SLC24A3: variants seen among roughly 807,000 people sequenced by gnomAD.
The protein encoded by SLC24A3 is sodium/potassium/calcium exchanger 3.
SLC24A3 carries 28 observed loss-of-function variants against 75.8 expected under a neutral mutation model. The observed-to-expected ratio is 0.37, with a 90% CI of 0.27 to 0.51. The LOEUF (loss-of-function observed/expected upper bound fraction) is 0.51, where lower values mean the gene tolerates loss of function less well. SLC24A3 is among the 20% of genes least tolerant of loss of function. The pLI is 0.94. For synonymous variants in SLC24A3, 372 were observed against 334.1 expected, an observed-to-expected ratio of 1.11 and a Z score of -1.24; for missense variants, 663 against 847.8, an observed-to-expected ratio of 0.78 and a Z score of 2.71.
chr20:19,446,320 G>A (rs1410526365), intron 2 of SLC24A3, among the ~76,000 whole-genome samples: 4 of 152,196 alleles, frequency 2.6e-5, no homozygotes, highest in Non-Finnish European at 4.4e-5. Context: ...TAAAAACCAT[G>A]TAAAAGTCTG....
intron 2 of SLC24A3, among the ~76,000 whole-genome samples, chr20:19,479,142 CAG>C (rs1235020371): frequency 6.6e-6 from 1 of 152,206 alleles, no homozygotes; most frequent in African/African-American, 2.4e-5. Flanking sequence ...TCAGTGCATT[CAG>C]AGAGTCATAG....
chr20:19,336,188 G>T (rs1985128779), intron 2 of SLC24A3, among the ~76,000 whole-genome samples: 1 of 152,082 alleles, frequency 6.6e-6, no homozygotes, highest in South Asian at 2.1e-4. Flanking sequence ...TGTCCTTTAG[G>T]CCAGGGCTCG....
chr20:19,299,184 G>GTGTGTGTGTGTGTA (rs1984136106), intron 2 of SLC24A3, among the ~76,000 whole-genome samples: 1 of 136,646 alleles, frequency 7.3e-6, no homozygotes, highest in South Asian at 2.4e-4. Context: ...CTTCGTGTGT[G>GTGTGTGTGTGTGTA]TGTGTGTGTG....
rs147661886 is a variant in SLC24A3, at chr20:19,374,410, G to A, written c.271+93323G>A. On this transcript the variant is annotated intron_variant, in intron 2 of 16. Coordinates refer to ENST00000328041, the MANE Select transcript of SLC24A3 (RefSeq NM_020689.4). ...CCCCTGAAAATTAGGCAGCCTGCCC[G>A]CTAAGTGCTCAGATGAGCAGAATAC... is the stretch of plus-strand genomic sequence containing the variant. 3.4e-3 allele frequency among the ~76,000 whole-genome samples: 514 copies of A among 152,294 alleles called. 2 individuals carry two copies. The highest frequency in any genetic ancestry group is 6.7e-3 in the Admixed American group (102 of 15,294).
chr20:19,276,645 G>A (rs887246195), intron 1 of SLC24A3, among the ~76,000 whole-genome samples: 5 of 152,222 alleles, frequency 3.3e-5, no homozygotes, highest in East Asian at 1.9e-4. Context: ...TGGCTCGTGC[G>A]TATAATCCCA....
At chr20:19,671,001 G>A (rs529526467) in intron 8 of SLC24A3, among the ~76,000 whole-genome samples, 155 of 152,348 alleles carry the variant, frequency 1.0e-3, no homozygotes, top group African/African-American at 3.5e-3. Flanking sequence ...CTAGAAACAG[G>A]TGTTAGTTAC....
At position 19,365,073 on chromosome 20, in the gene SLC24A3, G is replaced by C. The variant is rs117955258; in HGVS notation, c.271+83986G>C. On this transcript the variant is annotated intron_variant, in intron 2 of 16. Transcript: ENST00000328041. ...ACCCTCCCCATGGCTACTCCATAGAGCCATGCAGCTGTGCCAGGATGCTCT... is the reference window on the plus strand; with the variant it reads ...ACCCTCCCCATGGCTACTCCATAGACCCATGCAGCTGTGCCAGGATGCTCT... Among the ~76,000 whole-genome samples, 3 of 152,216 alleles carry C rather than the reference G, an allele frequency of 2.0e-5. No individual in the cohort carries two copies. In the South Asian group the frequency reaches 6.2e-4, roughly 32 times the overall value.
At position 19,479,166 on chromosome 20, in the gene SLC24A3, T is replaced by C. The variant is rs907823365; in HGVS notation, c.272-36322T>C. On this transcript the variant is annotated intron_variant, in intron 2 of 16. Coordinates refer to ENST00000328041, the MANE Select transcript of SLC24A3 (RefSeq NM_020689.4). ...TCAGAGAGTCATAGAGTACCAGTTG[T>C]CTTAGCCTTTCATGGCTAACACACC... Among the ~76,000 whole-genome samples, 3 of 152,238 alleles carry C rather than the reference T, an allele frequency of 2.0e-5. No homozygotes were observed. The South Asian group carries it at 6.2e-4, about 31-fold the overall frequency.
chr20:19,647,395 C>A (rs1056724383), intron 6 of SLC24A3, among the ~76,000 whole-genome samples: 1 of 152,202 alleles, frequency 6.6e-6, no homozygotes, highest in African/African-American at 2.4e-5. Flanking sequence ...AAATGTCCTA[C>A]ATTTATTCAA....
At chr20:19,234,060 A>C (rs73124824) in intron 1 of SLC24A3, among the ~76,000 whole-genome samples, 3,457 of 152,278 alleles carry the variant, frequency 0.023, 67 homozygotes, top group Non-Finnish European at 0.032. Flanking sequence ...TTCTTATTTC[A>C]TGAGAATTAC....
At chr20:19,363,139 A>G (rs1384964019) in intron 2 of SLC24A3, among the ~76,000 whole-genome samples, 1 of 152,170 alleles carries the variant, frequency 6.6e-6, no homozygotes, top group Admixed American at 6.5e-5. Flanking sequence ...CCATCCCCCG[A>G]GGCCCCTCAC....
chr20:19,655,788 G>A (rs1380040566), intron 7 of SLC24A3, among the ~76,000 whole-genome samples: 1 of 152,162 alleles, frequency 6.6e-6, no homozygotes, highest in South Asian at 2.1e-4. Context: ...TGGCTTCCCT[G>A]GTTCTCAGGC....
intron 2 of SLC24A3, among the ~76,000 whole-genome samples, chr20:19,419,835 T>G (rs1376883272): frequency 6.6e-6 from 1 of 151,466 alleles, no homozygotes; most frequent in African/African-American, 2.4e-5. Flanking sequence ...TTTTTTTTTT[T>G]TTTTTATTAT....
At chr20:19,652,481 G>C (rs375378210) in intron 6 of SLC24A3, among the ~76,000 whole-genome samples, 1 of 152,150 alleles carries the variant, frequency 6.6e-6, no homozygotes, top group Admixed American at 6.5e-5. Flanking sequence ...ACAGTACTGA[G>C]AGAGAATGAA....
Position 19,679,310 on chromosome 20 carries a change from G to A in SLC24A3, c.768-2548G>A, listed in dbSNP as rs1398854613. ...GCGGTTAGGAGCTGGAGACCAGCCC[G>A]GCCAACACAGCGAAACCCCGTCTCC... On this transcript the variant is annotated intron_variant, in intron 9 of 16. Coordinates refer to ENST00000328041, the MANE Select transcript of SLC24A3 (RefSeq NM_020689.4). 3.3e-5 allele frequency among the ~76,000 whole-genome samples: 5 copies of A among 152,326 alleles called. No individual in the cohort carries two copies. The East Asian group carries it at 7.7e-4, about 24-fold the overall frequency.
At chr20:19,562,548 G>A (rs944270502) in intron 3 of SLC24A3, among the ~76,000 whole-genome samples, 21 of 152,212 alleles carry the variant, frequency 1.4e-4, no homozygotes, top group Non-Finnish European at 3.1e-4. Context: ...GAAGTCCATA[G>A]TAATCATATG....
chr20:19,317,682 G>A (rs995311806), intron 2 of SLC24A3, among the ~76,000 whole-genome samples: 5 of 152,102 alleles, frequency 3.3e-5, no homozygotes, highest in Admixed American at 1.3e-4. Context: ...TCATCTTTGG[G>A]GAGGGTTCTC....
chr20:19,526,226 T>C (rs2030196753), intron 3 of SLC24A3, among the ~76,000 whole-genome samples: 1 of 152,318 alleles, frequency 6.6e-6, no homozygotes, highest in East Asian at 1.9e-4. Flanking sequence ...GTGCTGGCTC[T>C]GATTTTGGAC....
rs190764036 is a variant in SLC24A3 at position 19,437,749 on chromosome 20, A to G, written c.272-77739A>G. Among the ~76,000 whole-genome samples the G allele has an allele frequency of 1.7e-3, 256 of 152,194 alleles. 2 individuals carry two copies. Among genetic ancestry groups the G allele is most frequent in the African/African-American group, 5.7e-3 (235 of 41,528 alleles). On this transcript the variant is annotated intron_variant, in intron 2 of 16. Coordinates refer to ENST00000328041, the MANE Select transcript of SLC24A3 (RefSeq NM_020689.4). ...TGCCTGAGGGGAGATGGTTTTCAAGACAGCTGCTAGGGGTGCCAGGGAGCT... is the reference window on the plus strand; with the variant it reads ...TGCCTGAGGGGAGATGGTTTTCAAGGCAGCTGCTAGGGGTGCCAGGGAGCT...
Sources: gnomAD v4.1 joint callset for allele counts (sites outside exome capture counted in the v4.1 genomes callset) on GRCh38, gnomAD v4.1.1 for gene constraint, MANE v1.5 for transcripts, NCBI Gene and HGNC (gene_info 2026-07-23, HGNC 2026-07-21) for gene names.